SEMA3D: variants seen among roughly 807,000 people sequenced by gnomAD.
SEMA3D encodes the protein semaphorin-3D.
A neutral mutation model predicts 100.1 loss-of-function variants in SEMA3D; 84 were observed. That is an observed-to-expected ratio of 0.84 (90% confidence interval 0.70 to 1.01). SEMA3D has a LOEUF of 1.01. Ranked by LOEUF, SEMA3D falls within the 50% of genes least tolerant of loss-of-function variation. The probability of loss-of-function intolerance (pLI) is 0.00; values close to 1 mark genes in which losing one functional copy is unlikely to be tolerated. For synonymous variants in SEMA3D, 312 were observed against 320.7 expected (o/e 0.97, Z 0.29); for missense variants, 875 against 934.1 (o/e 0.94, Z 0.82).
At chr7:85,220,066 GCTC>G in the SEMA3D span, among the ~76,000 whole-genome samples, 1 of 151,952 alleles carries the variant, frequency 6.6e-6, no homozygotes, top group African/African-American at 2.4e-5. Flanking sequence ...ATGTTTGTTT[GCTC>G]CTAACTGTAA....
intron 13 of SEMA3D, 83 bp downstream of exon 13, chr7:85,022,308 A>G: frequency 2.2e-6 from 2 of 900,378 alleles, no homozygotes; most frequent in Admixed American, 3.8e-5. Context: ...ATTTTGACCA[A>G]TAAATATTTT....
chr7:85,137,159 A>G (rs1789891230), intron 2 of SEMA3D, among the ~76,000 whole-genome samples: 2 of 152,072 alleles, frequency 1.3e-5, no homozygotes, highest in Admixed American at 1.3e-4. Flanking sequence ...CAGCAGAGTC[A>G]GATATGAGAA....
rs140630375 is a variant in SEMA3D at position 85,097,957 on chromosome 7, G to A, written c.160C>T (p.Leu54Phe). 123 of 1,558,198 alleles carry A rather than the reference G, an allele frequency of 7.9e-5. No homozygotes were observed. The African/African-American group carries it at 1.6e-3, about 20-fold the overall frequency. The change falls in exon 4 of 19, where the codon CTT (leucine) becomes TTT (phenylalanine). Residue 54 changes from leucine (L) to phenylalanine (F), a missense_variant. Leu to Phe is a conservative substitution (Grantham distance 22, BLOSUM62 0). Coordinates refer to ENST00000284136, the MANE Select transcript of SEMA3D (RefSeq NM_001384900.1). ...RLKLTYKDLL[L>F]SNSCIPFLGS... ...AAAAAGGGAATACAGCTATTTGAAA[G>A]CAGCAAGTCTATGGAAAGCAAAAAA...
chr7:85,162,298 C>T (rs1790769125), intron 1 of SEMA3D, among the ~76,000 whole-genome samples: 1 of 152,082 alleles, frequency 6.6e-6, no homozygotes. Context: ...TACTAAGTCA[C>T]AGCATCAGTA....
At chr7:85,192,215 T>A in the SEMA3D span, among the ~76,000 whole-genome samples, 2 of 151,834 alleles carry the variant, frequency 1.3e-5, no homozygotes, top group Non-Finnish European at 2.9e-5. Flanking sequence ...AAAATGAAAA[T>A]GGGTTTAGTG....
intron 12 of SEMA3D, among the ~76,000 whole-genome samples, chr7:85,030,191 C>T (rs1790506787): frequency 9.1e-6 from 1 of 110,412 alleles, no homozygotes; most frequent in Non-Finnish European, 1.8e-5. Context: ...CACCATTTTT[C>T]ACCACCTATT....
chr7:85,243,840 C>A, the SEMA3D span, among the ~76,000 whole-genome samples: 1 of 152,098 alleles, frequency 6.6e-6, no homozygotes. Context: ...GAAGATGTTG[C>A]AATTTCAGAA....
intron 18 of SEMA3D, 36 bp from the exon 19 acceptor site, chr7:84,999,901 C>T (rs1257841947): frequency 6.4e-7 from 1 of 1,565,256 alleles, no homozygotes; most frequent in Non-Finnish European, 8.7e-7. Flanking sequence ...ATAAATTAAA[C>T]ACAGAGAGAG....
intron 2 of SEMA3D, among the ~76,000 whole-genome samples, chr7:85,127,335 G>T (rs1248281557): frequency 6.6e-6 from 1 of 152,070 alleles, no homozygotes; most frequent in African/African-American, 2.4e-5. Context: ...AGAGTATATA[G>T]TTTATAATCC....
rs774056215 is a variant in SEMA3D, at chr7:85,097,919, T to C, written c.198A>G (p.Glu66=). The part of the protein sequence containing the change: ...NSCIPFLGSS[E]GLDFQTLLLD... ...AGAGAAGAGTTTGAAAATCCAGTCCTTCTGATGAACCCAAAAAGGGAATAC... is the reference window on the plus strand; with the variant it reads ...AGAGAAGAGTTTGAAAATCCAGTCCCTCTGATGAACCCAAAAAGGGAATAC... Residue 66 remains glutamate (E), a synonymous_variant, in exon 4 of 19, where the codon GAA becomes GAG. Transcript: ENST00000284136. 1 of 1,608,418 alleles carries C rather than the reference T, an allele frequency of 6.2e-7. No homozygotes were observed. The highest frequency in any genetic ancestry group is 8.5e-7 in the Non-Finnish European group (1 of 1,176,738).
At chr7:85,211,184 A>G in the SEMA3D span, among the ~76,000 whole-genome samples, 1 of 152,080 alleles carries the variant, frequency 6.6e-6, no homozygotes, top group Non-Finnish European at 1.5e-5. Flanking sequence ...TGAAAAATTA[A>G]TTTAATAAGG....
chr7:85,129,113 A>G (rs991323120), intron 2 of SEMA3D, among the ~76,000 whole-genome samples: 3 of 149,858 alleles, frequency 2.0e-5, no homozygotes, highest in Non-Finnish European at 4.5e-5. Context: ...CTGCTCTTGA[A>G]CTCCTGGCCT....
chr7:85,090,948 G>A (rs1788369138), intron 4 of SEMA3D, among the ~76,000 whole-genome samples: 1 of 151,710 alleles, frequency 6.6e-6, no homozygotes, highest in African/African-American at 2.4e-5. Context: ...TAAAGGTGTA[G>A]CATTATGGAT....
At chr7:85,067,556 A>T (rs1372788601) in intron 7 of SEMA3D, among the ~76,000 whole-genome samples, 1 of 152,174 alleles carries the variant, frequency 6.6e-6, no homozygotes, top group Non-Finnish European at 1.5e-5. Flanking sequence ...AAACCAAGAC[A>T]AAAGGAGTCC....
At chr7:85,157,846 G>C (rs955733291) in intron 1 of SEMA3D, among the ~76,000 whole-genome samples, 6 of 152,132 alleles carry the variant, frequency 3.9e-5, no homozygotes, top group African/African-American at 1.4e-4. Flanking sequence ...AGTCATGGCA[G>C]AAGAACATAA....
intron 3 of SEMA3D, among the ~76,000 whole-genome samples, chr7:85,117,763 AGTATGTATGTATGTATGTAT>A (rs35480171): frequency 2.1e-5 from 3 of 145,806 alleles, no homozygotes; most frequent in Non-Finnish European, 4.5e-5. Flanking sequence ...ACAGAGCAAG[AGTATGTATGTATGTATGTAT>A]GTATGTATGT....
chr7:85,091,997 C>T (rs915366765), intron 4 of SEMA3D, among the ~76,000 whole-genome samples: 6 of 152,008 alleles, frequency 3.9e-5, no homozygotes, highest in Admixed American at 2.6e-4. Context: ...AGTGAAAAAT[C>T]TGCATACAGA....
At chr7:85,149,572 G>GTCTTATAATA (rs1398529181) in intron 2 of SEMA3D, among the ~76,000 whole-genome samples, 1 of 152,158 alleles carries the variant, frequency 6.6e-6, no homozygotes, top group Non-Finnish European at 1.5e-5. Flanking sequence ...CAAATTTTCA[G>GTCTTATAATA]TCACAGACTT....
chr7:84,999,163 T>C lies in SEMA3D; in HGVS notation c.*277A>G, dbSNP rs1425916896. ...GCTCAACTATTTACATGACAATAAA[T>C]TCCAAAACTCAAAACATAAAACATT... On this transcript the variant is annotated 3_prime_UTR_variant, in exon 19 of 19. Coordinates refer to ENST00000284136, the MANE Select transcript of SEMA3D (RefSeq NM_001384900.1). 1 of 429,444 alleles carries C rather than the reference T, an allele frequency of 2.3e-6. No individual in the cohort carries two copies. Among genetic ancestry groups the C allele is most frequent in the Non-Finnish European group, 4.2e-6 (1 of 239,622 alleles). The allele number at this position is 429,444 out of a possible 1,614,324, so 26.6% of individuals were successfully genotyped here.
Sources: allele counts gnomAD v4.1 joint callset (sites outside exome capture counted in the v4.1 genomes callset), GRCh38; gene constraint gnomAD v4.1.1; transcripts MANE v1.5; gene names NCBI Gene and HGNC (gene_info 2026-07-23, HGNC 2026-07-21).